The following ASCC1 variants were observed in gnomAD, a reference collection of about 807,000 sequenced individuals.
ASCC1 encodes the protein ASC-1 complex subunit P50.
A neutral mutation model predicts 46.6 loss-of-function variants in ASCC1; 35 were observed. The ratio of observed to expected loss-of-function variants is 0.75; its 90% CI spans 0.57 to 0.99. ASCC1 has a LOEUF of 0.99. Ranked by LOEUF, ASCC1 falls within the 50% of genes least tolerant of loss-of-function variation. The pLI, the probability that ASCC1 is intolerant of heterozygous loss-of-function variation, is 0.00. For missense variants in ASCC1, 376 were observed against 428.7 expected (o/e 0.88, Z 1.09); for synonymous variants, 143 against 146.6 (o/e 0.98, Z 0.18).
At chr10:72,212,744 A>G (rs1858349430) in intron 2 of ASCC1, among the ~76,000 whole-genome samples, 1 of 152,044 alleles carries the variant, frequency 6.6e-6, no homozygotes, top group Non-Finnish European at 1.5e-5. Flanking sequence ...GCTACTCAGG[A>G]GGCTGAGGCA....
At chr10:72,121,631 C>G (rs1844218984) in intron 9 of ASCC1, among the ~76,000 whole-genome samples, 1 of 151,630 alleles carries the variant, frequency 6.6e-6, no homozygotes, top group Non-Finnish European at 1.5e-5. Context: ...AACTTCAGAG[C>G]AAGGAAAGTT....
intron 5 of ASCC1, among the ~76,000 whole-genome samples, chr10:72,177,807 G>A (rs943789897): frequency 5.3e-5 from 8 of 152,150 alleles, no homozygotes; most frequent in African/African-American, 9.6e-5. Flanking sequence ...TGCAAGAGAC[G>A]AAAGAATGAA....
intron 5 of ASCC1, among the ~76,000 whole-genome samples, chr10:72,182,463 T>C (rs1852759689): frequency 6.6e-6 from 1 of 152,040 alleles, no homozygotes; most frequent in African/African-American, 2.4e-5. Context: ...CTAATGGGAA[T>C]GGTGGCATAG....
At chr10:72,174,801 C>T (rs945591042) in intron 5 of ASCC1, among the ~76,000 whole-genome samples, 11 of 152,212 alleles carry the variant, frequency 7.2e-5, no homozygotes, top group Admixed American at 4.6e-4. Flanking sequence ...CATGTCACTT[C>T]TCTAGCCTCG....
chr10:72,135,464 G>C (rs988081223), intron 7 of ASCC1, among the ~76,000 whole-genome samples: 1 of 152,166 alleles, frequency 6.6e-6, no homozygotes, highest in Non-Finnish European at 1.5e-5. Context: ...CAGCAAATAC[G>C]CATTTCTGAG....
intron 7 of ASCC1, among the ~76,000 whole-genome samples, chr10:72,147,901 G>A (rs949730838): frequency 4.6e-5 from 7 of 152,128 alleles, no homozygotes; most frequent in Non-Finnish European, 7.3e-5. Context: ...TGGTTCTTAC[G>A]TGGTCTGTGG....
chr10:72,189,172 G>A (rs949643819), intron 5 of ASCC1, among the ~76,000 whole-genome samples: 23 of 151,616 alleles, frequency 1.5e-4, no homozygotes, highest in Admixed American at 3.9e-4. Context: ...AGGCCGAGGC[G>A]GGCGGATCAT....
chr10:72,148,691 A>C (rs1338460244), intron 7 of ASCC1, among the ~76,000 whole-genome samples: 1 of 152,234 alleles, frequency 6.6e-6, no homozygotes, highest in Non-Finnish European at 1.5e-5. Context: ...ACATTTGAGA[A>C]ATCTGCATAA....
At chr10:72,174,961 ATTC>A (rs1252963456) in intron 5 of ASCC1, among the ~76,000 whole-genome samples, 1 of 152,234 alleles carries the variant, frequency 6.6e-6, no homozygotes, top group Admixed American at 6.5e-5. Flanking sequence ...ACTTTCTGAT[ATTC>A]TATGCAAAGA....
At chr10:72,130,692 A>G (rs1269614065) in intron 8 of ASCC1, among the ~76,000 whole-genome samples, 3 of 152,228 alleles carry the variant, frequency 2.0e-5, no homozygotes, top group Admixed American at 6.5e-5. Context: ...TGCAACGCCC[A>G]AAACAGTGGC....
chr10:72,198,577 G>C (rs1855996153), intron 4 of ASCC1: 1 of 455,644 alleles, frequency 2.2e-6, no homozygotes, highest in Non-Finnish European at 4.4e-6. Flanking sequence ...AGCTTCTGAT[G>C]TTCCATTGCC....
intron 4 of ASCC1, among the ~76,000 whole-genome samples, chr10:72,201,691 A>G (rs192805909): frequency 2.0e-4 from 30 of 152,200 alleles, no homozygotes; most frequent in African/African-American, 7.0e-4. Flanking sequence ...TAACCCCAAC[A>G]CTTTGGGAGG....
At chr10:72,141,812 A>C (rs1411214833) in intron 7 of ASCC1, among the ~76,000 whole-genome samples, 2 of 152,110 alleles carry the variant, frequency 1.3e-5, no homozygotes, top group African/African-American at 4.8e-5. Flanking sequence ...ATTTTTGGAT[A>C]TTTATCTTTT....
intron 5 of ASCC1, among the ~76,000 whole-genome samples, chr10:72,179,330 G>A (rs186447887): frequency 9.9e-5 from 15 of 152,128 alleles, no homozygotes; most frequent in African/African-American, 3.4e-4. Context: ...CTCAAATACT[G>A]TCCAAATTAT....
At position 72,120,012 on chromosome 10, in the gene ASCC1, G is replaced by A. The variant is rs190552776; in HGVS notation, c.957+8070C>T. On this transcript the variant is annotated intron_variant, in intron 9 of 9. Transcript: ENST00000672957. ...AGCACTTTTGGAGGCCGAGGCAGGCGGATCACCTGAGGTCAGGAGTTTAAG... is the reference window on the plus strand; with the variant it reads ...AGCACTTTTGGAGGCCGAGGCAGGCAGATCACCTGAGGTCAGGAGTTTAAG... 4.2e-3 allele frequency among the ~76,000 whole-genome samples: 639 copies of A among 152,258 alleles called. 1 individual carries two copies. The highest frequency in any genetic ancestry group is 0.01 in the African/African-American group (425 of 41,550).
In ASCC1 at chr10:72,204,369, C is replaced by T. The variant is rs1856910020; in HGVS notation, c.213-845G>A. 6 of 1,549,004 alleles carry T rather than the reference C, an allele frequency of 3.9e-6. No homozygotes were observed. In the East Asian group the frequency reaches 1.2e-4, roughly 32 times the overall value. On this transcript the variant is annotated intron_variant, in intron 3 of 9. Coordinates refer to ENST00000672957, the MANE Select transcript of ASCC1 (RefSeq NM_001198800.3). ...CCCATGAAGACGGGACATGAGCTCA[C>T]AATCCCCATCACTCCCACTTAAATC...
intron 9 of ASCC1, among the ~76,000 whole-genome samples, chr10:72,111,950 T>C (rs1222888394): frequency 6.6e-6 from 1 of 152,244 alleles, no homozygotes; most frequent in East Asian, 1.9e-4. Flanking sequence ...CCAAGCATCA[T>C]TTTTTAAGAA....
At chr10:72,201,718 G>A (rs971415952) in intron 4 of ASCC1, among the ~76,000 whole-genome samples, 81 of 151,742 alleles carry the variant, frequency 5.3e-4, no homozygotes, top group African/African-American at 1.9e-3. Flanking sequence ...CAGGCAGATC[G>A]CTTGAGCTCA....
intron 2 of ASCC1, among the ~76,000 whole-genome samples, chr10:72,211,187 A>C (rs574907514): frequency 4.8e-4 from 73 of 152,350 alleles, no homozygotes; most frequent in African/African-American, 1.4e-3. Context: ...ACTGGATATG[A>C]GACAGAGAGA....
Sources: gnomAD v4.1 joint callset for allele counts (sites outside exome capture counted in the v4.1 genomes callset) on GRCh38, gnomAD v4.1.1 for gene constraint, MANE v1.5 for transcripts, NCBI Gene and HGNC (gene_info 2026-07-23, HGNC 2026-07-21) for gene names.